The following OSBPL10 variants were observed in gnomAD, a reference collection of about 807,000 sequenced individuals.
OSBPL10 encodes oxysterol-binding protein-related protein 10.
A neutral mutation model predicts 81.7 loss-of-function variants in OSBPL10; 49 were observed. The observed-to-expected ratio is 0.60, with a 90% CI of 0.48 to 0.76. The LOEUF is 0.76. OSBPL10 is among the 30% of genes least tolerant of loss of function. The probability of loss-of-function intolerance (pLI) is 0.00; values close to 1 mark genes in which losing one functional copy is unlikely to be tolerated. For missense variants in OSBPL10, 923 were observed against 987.8 expected (o/e 0.93, Z 0.88); for synonymous variants, 419 against 383.6 (o/e 1.09, Z -1.08).
intron 4 of OSBPL10, among the ~76,000 whole-genome samples, chr3:31,753,493 G>T: frequency 6.6e-6 from 1 of 152,004 alleles, no homozygotes; most frequent in East Asian, 1.9e-4. Flanking sequence ...CCGCTTTATG[G>T]ATCATTAAAC....
At chr3:32,054,573 C>T (rs1699693497) in intron 1 of OSBPL10, among the ~76,000 whole-genome samples, 1 of 128,996 alleles carries the variant, frequency 7.8e-6, no homozygotes. Flanking sequence ...ACTCTGTCAC[C>T]CAGGCTGGAG....
Position 31,957,091 on chromosome 3 carries a change from T to C in OSBPL10, c.281+23808A>G, listed in dbSNP as rs189501587. On this transcript the variant is annotated intron_variant, in intron 1 of 11. Transcript: ENST00000396556. ...CAGAGGGTGCAGTGGGCCAAGACTGTGCCACTGCACTCCAGCCTGGGCGAC... is the reference window on the plus strand; with the variant it reads ...CAGAGGGTGCAGTGGGCCAAGACTGCGCCACTGCACTCCAGCCTGGGCGAC... 3.5e-3 allele frequency among the ~76,000 whole-genome samples: 528 copies of C among 151,804 alleles called. 4 individuals are homozygous for C. Among genetic ancestry groups the C allele is most frequent in the Non-Finnish European group, 5.1e-3 (346 of 67,884 alleles).
At chr3:31,983,783 T>C (rs564143986), upstream of OSBPL10, among the ~76,000 whole-genome samples, 34 of 152,320 alleles carry the variant, frequency 2.2e-4, no homozygotes, top group African/African-American at 8.2e-4. Context: ...AGAATTATGT[T>C]TGGAGAGGAA....
chr3:31,680,404 T>TATGTGACACA (rs1327361163), intron 8 of OSBPL10, among the ~76,000 whole-genome samples: 1 of 152,184 alleles, frequency 6.6e-6, no homozygotes, highest in East Asian at 1.9e-4. Flanking sequence ...AGGTCAGAGA[T>TATGTGACACA]GAGCTGAGAA....
chr3:32,057,273 T>C (rs1699719634), intron 1 of OSBPL10, among the ~76,000 whole-genome samples: 2 of 152,336 alleles, frequency 1.3e-5, no homozygotes, highest in South Asian at 4.1e-4. Context: ...GATTTCACTT[T>C]ATAGACTTGC....
upstream of OSBPL10, among the ~76,000 whole-genome samples, chr3:31,985,444 T>C (rs1463600750): frequency 6.6e-6 from 1 of 152,164 alleles, no homozygotes; most frequent in Non-Finnish European, 1.5e-5. Flanking sequence ...ATAAACACAT[T>C]ATACCTCTTG....
At chr3:31,708,911 T>G (rs1449341005) in intron 6 of OSBPL10, 4 of 985,334 alleles carry the variant, frequency 4.1e-6, no homozygotes, top group Admixed American at 6.2e-5. Context: ...GTGTCTGGTA[T>G]AGCTGGTACC....
At chr3:31,806,616 G>A (rs981242489) in intron 4 of OSBPL10, among the ~76,000 whole-genome samples, 1 of 152,196 alleles carries the variant, frequency 6.6e-6, no homozygotes, top group African/African-American at 2.4e-5. Context: ...CAGGCAATGA[G>A]CAAATAAAGA....
chr3:31,965,546 TTA>T (rs1491525039), intron 1 of OSBPL10, among the ~76,000 whole-genome samples: 2,070 of 41,386 alleles, frequency 0.05, 199 homozygotes, highest in East Asian at 0.27. Context: ...AAATTATATA[TTA>T]TATATTATAT....
chr3:31,988,860 C>A, intron 2 of OSBPL10: 1 of 607,614 alleles, frequency 1.6e-6, no homozygotes, highest in Non-Finnish European at 2.9e-6. Flanking sequence ...AGCCATGACC[C>A]ACAGCTTGAC....
intron 4 of OSBPL10, among the ~76,000 whole-genome samples, chr3:31,767,861 T>A (rs564333326): frequency 3.3e-5 from 5 of 152,192 alleles, no homozygotes; most frequent in Admixed American, 6.6e-5. Context: ...AAATTTGGGT[T>A]CAGCCTGGGA....
intron 4 of OSBPL10, among the ~76,000 whole-genome samples, chr3:31,826,230 C>A (rs1700097965): frequency 6.6e-6 from 1 of 152,172 alleles, no homozygotes. Flanking sequence ...AGACAATCTG[C>A]AGCACAGTCA....
Position 31,664,232 on chromosome 3 carries a change from C to T in OSBPL10, c.2097G>A (p.Arg699=). ...ATCGGGTCACCTCCCGCCAGAGGTTCCTGGGGATGCGTGGAGGAGAGGAAA... is the reference window on the plus strand; with the variant it reads ...ATCGGGTCACCTCCCGCCAGAGGTTTCTGGGGATGCGTGGAGGAGAGGAAA... ...PLEKQGPMES[R]NLWREVTRYL... The change falls in exon 11 of 12, where the codon AGG becomes AGA. Residue 699 remains arginine (R), a splice_region_variant and synonymous_variant. Transcript: ENST00000396556. 1 of 1,612,106 alleles carries T rather than the reference C, an allele frequency of 6.2e-7. No individual in the cohort carries two copies. Among genetic ancestry groups the T allele is most frequent in the Non-Finnish European group, 8.5e-7 (1 of 1,179,974 alleles).
At chr3:32,060,386 A>C (rs1699745076) in intron 1 of OSBPL10, among the ~76,000 whole-genome samples, 1 of 152,184 alleles carries the variant, frequency 6.6e-6, no homozygotes, top group African/African-American at 2.4e-5. Flanking sequence ...CTCGCTGTCC[A>C]TCAAATGCCC....
In OSBPL10 at chr3:31,830,046, G is replaced by A; in HGVS notation, c.723C>T (p.Val241=). Reference sequence around the variant, plus strand: ...GTAGGAGAGCAAAGCCTACCTCTCTGACTTCGTGAAGCTGGCCGGAATACT... The same window carrying A: ...GTAGGAGAGCAAAGCCTACCTCTCTAACTTCGTGAAGCTGGCCGGAATACT... ...KSQYSGQLHE[V]REMMNQVEGQ... Residue 241 remains valine, a synonymous_variant, in exon 4 of 12, where the codon GTC becomes GTT. Coordinates refer to ENST00000396556, the MANE Select transcript of OSBPL10 (RefSeq NM_017784.5). 1 of 1,612,736 alleles carries A rather than the reference G, an allele frequency of 6.2e-7. No individual in the cohort carries two copies. The highest frequency in any genetic ancestry group is 8.5e-7 in the Non-Finnish European group (1 of 1,179,724).
At chr3:31,898,659 A>G (rs1696135116) in intron 1 of OSBPL10, among the ~76,000 whole-genome samples, 1 of 152,062 alleles carries the variant, frequency 6.6e-6, no homozygotes, top group African/African-American at 2.4e-5. Flanking sequence ...ATATACAGAT[A>G]TACGGAAACA....
intron 2 of OSBPL10, chr3:31,989,496 C>G: frequency 1.2e-6 from 2 of 1,614,152 alleles, no homozygotes; most frequent in Non-Finnish European, 1.7e-6. Context: ...GTAGCACCGA[C>G]AGATATGATC....
At chr3:31,983,768 C>A (rs1022709469), upstream of OSBPL10, among the ~76,000 whole-genome samples, 1 of 152,154 alleles carries the variant, frequency 6.6e-6, no homozygotes, top group South Asian at 2.1e-4. Context: ...GGAAAAGGTA[C>A]CTGCAGAATT....
intron 8 of OSBPL10, among the ~76,000 whole-genome samples, chr3:31,674,357 C>T (rs1339903946): frequency 1.3e-5 from 2 of 151,852 alleles, no homozygotes; most frequent in African/African-American, 2.4e-5. Flanking sequence ...AGTTTGAGAC[C>T]AGCCTGGGCA....
Sources: gnomAD v4.1 joint callset for allele counts (sites outside exome capture counted in the v4.1 genomes callset) on GRCh38, gnomAD v4.1.1 for gene constraint, MANE v1.5 for transcripts, NCBI Gene and HGNC (gene_info 2026-07-23, HGNC 2026-07-21) for gene names.